The following DIAPH2 variants were observed in gnomAD, a reference collection of about 807,000 sequenced individuals.
DIAPH2 encodes protein diaphanous homolog 2.
A neutral mutation model predicts 92.7 loss-of-function variants in DIAPH2; 35 were observed. The ratio of observed to expected loss-of-function variants is 0.38; its 90% CI spans 0.29 to 0.50. DIAPH2 has a LOEUF of 0.50. DIAPH2 is among the 20% of genes least tolerant of loss of function. The pLI, the probability that DIAPH2 is intolerant of heterozygous loss-of-function variation, is 0.94. For synonymous variants in DIAPH2, 301 were observed against 280.4 expected, an observed-to-expected ratio of 1.07 and a Z score of -0.73; for missense variants, 701 against 819.5, an observed-to-expected ratio of 0.86 and a Z score of 1.77.
chrX:97,174,777 T>A (rs989413941), intron 22 of DIAPH2, among the ~76,000 whole-genome samples: 1 of 111,908 alleles, frequency 8.9e-6, no homozygotes, highest in Non-Finnish European at 1.9e-5. Flanking sequence ...TATTTTTGAT[T>A]GATCCTGCTT....
intron 23 of DIAPH2, among the ~76,000 whole-genome samples, chrX:97,313,180 G>A (rs895293140): frequency 4.5e-5 from 5 of 110,359 alleles, no homozygotes; most frequent in Non-Finnish European, 9.5e-5. Flanking sequence ...GTGAGACTCC[G>A]TCTCAAAATA....
intron 22 of DIAPH2, among the ~76,000 whole-genome samples, chrX:97,218,706 A>T (rs906301592): frequency 3.6e-5 from 4 of 111,745 alleles, no homozygotes; most frequent in Non-Finnish European, 5.6e-5. Flanking sequence ...AAGTCCTGAT[A>T]TAAAATGGCC....
chrX:97,139,685 G>A (rs1015546879), intron 21 of DIAPH2, among the ~76,000 whole-genome samples: 1 of 111,153 alleles, frequency 9.0e-6, no homozygotes, highest in African/African-American at 3.3e-5. Flanking sequence ...TTTTTAAAAT[G>A]TAACCATTAA....
intron 26 of DIAPH2, among the ~76,000 whole-genome samples, chrX:97,485,284 T>A (rs182407770): frequency 0.05 from 5,549 of 110,902 alleles, 111 homozygotes; most frequent in African/African-American, 0.069. Context: ...ATTTTTTTTT[T>A]AAAAATCTAA....
At chrX:97,435,834 C>G (rs192760227) in intron 26 of DIAPH2, among the ~76,000 whole-genome samples, 1 of 92,160 alleles carries the variant, frequency 1.1e-5, no homozygotes, top group East Asian at 3.5e-4. Context: ...TTGAGATGGA[C>G]TCTCACTCTG....
chrX:96,837,619 A>G (rs2064908026), intron 4 of DIAPH2, among the ~76,000 whole-genome samples: 1 of 111,277 alleles, frequency 9.0e-6, no homozygotes, highest in African/African-American at 3.3e-5. Context: ...TGTGCCTAGA[A>G]TTGGTAGATA....
At chrX:97,097,537 AAAAAT>A (rs1324699672) in intron 19 of DIAPH2, among the ~76,000 whole-genome samples, 36 of 112,261 alleles carry the variant, frequency 3.2e-4, no homozygotes, top group South Asian at 7.4e-4. Flanking sequence ...TAGCTAGGAG[AAAAAT>A]AAAATAACAA....
intron 23 of DIAPH2, among the ~76,000 whole-genome samples, chrX:97,264,042 C>G (rs2068313357): frequency 9.2e-6 from 1 of 108,707 alleles, no homozygotes; most frequent in South Asian, 4.0e-4. Flanking sequence ...CCACCCCACC[C>G]TCCTGAATAG....
chrX:96,742,111 A>G (rs1026985553), intron 3 of DIAPH2, among the ~76,000 whole-genome samples: 11 of 111,723 alleles, frequency 9.8e-5, no homozygotes, highest in African/African-American at 2.9e-4. Flanking sequence ...TGCTCCTACA[A>G]AAGTCTTCCC....
Position 96,748,531 on chromosome X carries a change from C to G in DIAPH2, c.343-9623C>G, listed in dbSNP as rs1230116671. ...GGCATAAATGTTCTCAAAATTTGAA[C>G]AGTTTAGTTCATCAAAGTCCCATGC... On this transcript the variant is annotated intron_variant, in intron 3 of 26. Coordinates refer to ENST00000324765, the MANE Select transcript of DIAPH2 (RefSeq NM_006729.5). Among the ~76,000 whole-genome samples, 3 of 111,821 alleles carry G rather than the reference C, an allele frequency of 2.7e-5. No homozygotes were observed. In the East Asian group the frequency reaches 8.4e-4, roughly 31 times the overall value.
intron 3 of DIAPH2, among the ~76,000 whole-genome samples, chrX:96,757,339 A>C (rs1293116386): frequency 8.9e-6 from 1 of 112,006 alleles, no homozygotes; most frequent in Non-Finnish European, 1.9e-5. Flanking sequence ...TATATCAGAC[A>C]TATGATTTGT....
intron 25 of DIAPH2, among the ~76,000 whole-genome samples, chrX:97,396,821 C>T (rs2069708997): frequency 9.0e-6 from 1 of 111,287 alleles, no homozygotes; most frequent in Non-Finnish European, 1.9e-5. Flanking sequence ...TAACCTATTT[C>T]AGGGGTTATT....
intron 23 of DIAPH2, among the ~76,000 whole-genome samples, chrX:97,306,875 G>A (rs1416736188): frequency 9.0e-6 from 1 of 111,712 alleles, no homozygotes; most frequent in Non-Finnish European, 1.9e-5. Flanking sequence ...ATAGAGATAA[G>A]AAAAAAAGAC....
At chrX:97,427,847 T>A in intron 25 of DIAPH2, among the ~76,000 whole-genome samples, 1 of 109,811 alleles carries the variant, frequency 9.1e-6, no homozygotes, top group Non-Finnish European at 1.9e-5. Flanking sequence ...CCACCATGCC[T>A]GGCTAATTTT....
intron 24 of DIAPH2, among the ~76,000 whole-genome samples, chrX:97,373,898 G>A (rs186246820): frequency 9.0e-6 from 1 of 110,605 alleles, no homozygotes; most frequent in Non-Finnish European, 1.9e-5. Context: ...CACTGTGCCC[G>A]GCCTGAGGGA....
intron 4 of DIAPH2, among the ~76,000 whole-genome samples, chrX:96,850,297 G>A (rs1322387953): frequency 2.7e-5 from 3 of 112,045 alleles, no homozygotes; most frequent in African/African-American, 6.5e-5. Context: ...AGATGATGAT[G>A]ATAATAATAA....
chrX:97,494,170 T>A (rs1245353067), intron 26 of DIAPH2, among the ~76,000 whole-genome samples: 1 of 105,690 alleles, frequency 9.5e-6, no homozygotes, highest in Non-Finnish European at 1.9e-5. Flanking sequence ...CACAGAAAAA[T>A]TAGCCGGGCA....
chrX:96,948,340 G>A (rs894418132), intron 14 of DIAPH2, among the ~76,000 whole-genome samples: 10 of 112,011 alleles, frequency 8.9e-5, no homozygotes, highest in Admixed American at 4.7e-4. Context: ...TTGGGAGGCC[G>A]AGGCAGGTGG....
chrX:96,892,609 C>G (rs1243065850), intron 5 of DIAPH2, among the ~76,000 whole-genome samples: 1 of 111,594 alleles, frequency 9.0e-6, no homozygotes, highest in Non-Finnish European at 1.9e-5. Flanking sequence ...GACTTCGGCA[C>G]ATGCAATGAT....
Sources: gnomAD v4.1 joint callset for allele counts (sites outside exome capture counted in the v4.1 genomes callset) on GRCh38, gnomAD v4.1.1 for gene constraint, MANE v1.5 for transcripts, NCBI Gene and HGNC (gene_info 2026-07-23, HGNC 2026-07-21) for gene names.